Variants in ADAMTSL3 observed in about 807,000 individuals in gnomAD.
ADAMTSL3 encodes the protein ADAMTS like 3.
ADAMTSL3 carries 128 observed loss-of-function variants against 201.7 expected under a neutral mutation model. That is an observed-to-expected ratio of 0.63 (90% confidence interval 0.55 to 0.73). The LOEUF (loss-of-function observed/expected upper bound fraction) is 0.73, where lower values mean the gene tolerates loss of function less well. ADAMTSL3 is among the 30% of genes least tolerant of loss of function. The probability of loss-of-function intolerance (pLI) is 0.00; values close to 1 mark genes in which losing one functional copy is unlikely to be tolerated. For synonymous variants in ADAMTSL3, 738 were observed against 748.4 expected (o/e 0.99, Z 0.23); for missense variants, 1,990 against 2,119.6 (o/e 0.94, Z 1.20).
At chr15:83,941,957 G>A (rs1490195316) in intron 17 of ADAMTSL3, among the ~76,000 whole-genome samples, 9 of 152,164 alleles carry the variant, frequency 5.9e-5, no homozygotes, top group Non-Finnish European at 1.5e-5. Flanking sequence ...TTAGGGGTGT[G>A]GGCAACTAGG....
At chr15:83,913,451 A>G (rs1251141524) in intron 16 of ADAMTSL3, 73 bp downstream of exon 16, 1 of 1,488,458 alleles carries the variant, frequency 6.7e-7, no homozygotes, top group Non-Finnish European at 9.1e-7. Context: ...TCAATCAGGT[A>G]AGCCAAATAT....
chr15:83,707,863 T>C (rs1596063934), intron 3 of ADAMTSL3, among the ~76,000 whole-genome samples: 1 of 152,310 alleles, frequency 6.6e-6, no homozygotes, highest in East Asian at 1.9e-4. Context: ...AATTGCAGCA[T>C]ACTGGGTGGC....
At chr15:83,841,001 T>C (rs2064363552) in intron 7 of ADAMTSL3, among the ~76,000 whole-genome samples, 1 of 152,170 alleles carries the variant, frequency 6.6e-6, no homozygotes, top group African/African-American at 2.4e-5. Context: ...ACATCCCAGA[T>C]AATAAGGAAG....
intron 7 of ADAMTSL3, among the ~76,000 whole-genome samples, chr15:83,845,063 T>G (rs1273666821): frequency 3.9e-5 from 6 of 152,220 alleles, no homozygotes; most frequent in African/African-American, 1.4e-4. Context: ...CACCGACCCA[T>G]CCCTGAACCT....
intron 7 of ADAMTSL3, among the ~76,000 whole-genome samples, chr15:83,851,241 T>C (rs2064606302): frequency 6.6e-6 from 1 of 152,360 alleles, no homozygotes; most frequent in Non-Finnish European, 1.5e-5. Context: ...ATGATCCTTA[T>C]AGGCTGCTCC....
intron 23 of ADAMTSL3, among the ~76,000 whole-genome samples, chr15:84,004,278 G>A (rs12911536): frequency 6.6e-6 from 1 of 152,098 alleles, no homozygotes; most frequent in East Asian, 1.9e-4. Flanking sequence ...CCTGCCCTGA[G>A]AGATTCTGAT....
chr15:84,037,603 T>G, intron 29 of ADAMTSL3, 97 bp from the exon 30 acceptor site: 1 of 1,382,540 alleles, frequency 7.2e-7, no homozygotes, highest in Non-Finnish European at 9.7e-7. Context: ...TTCACCTCAC[T>G]CTGTGATCTC....
intron 14 of ADAMTSL3, among the ~76,000 whole-genome samples, chr15:83,898,504 T>A (rs2065662058): frequency 6.6e-6 from 1 of 152,206 alleles, no homozygotes; most frequent in African/African-American, 2.4e-5. Context: ...ATCTTTATCA[T>A]GTGTACTAAT....
At chr15:83,843,251 T>A (rs60195165) in intron 7 of ADAMTSL3, among the ~76,000 whole-genome samples, 15,623 of 151,578 alleles carry the variant, frequency 0.1, 1,032 homozygotes, top group East Asian at 0.34. Context: ...TCCTTTTTTT[T>A]AAAAAAAATC....
Position 83,913,269 on chromosome 15 carries a change from T to A in ADAMTSL3, c.1878T>A (p.Asp626Glu), listed in dbSNP as rs1356326408. The change falls in exon 16 of 30, where the codon GAT becomes GAA. Residue 626 changes from aspartate to glutamate, a missense_variant. Physicochemically the swap from Asp to Glu is conservative, Grantham distance 45. Coordinates refer to ENST00000286744, the MANE Select transcript of ADAMTSL3 (RefSeq NM_207517.3). ...TERPCLLEAC[D>E]ESPASRELDI... ...GGCCCTGCCTCCTGGAAGCATGTGA[T>A]GAGAGCCCGGCCTCCCGAGAGCTAG... 1 of 1,613,966 alleles carries A rather than the reference T, an allele frequency of 6.2e-7. No homozygotes were observed. Among genetic ancestry groups the A allele is most frequent in the East Asian group, 2.2e-5 (1 of 44,880 alleles).
At chr15:83,819,502 T>G (rs1567165266) in intron 5 of ADAMTSL3, among the ~76,000 whole-genome samples, 1 of 152,176 alleles carries the variant, frequency 6.6e-6, no homozygotes, top group Non-Finnish European at 1.5e-5. Flanking sequence ...TCAAGATGGT[T>G]AAAATAGGGC....
At chr15:84,013,266 C>T (rs2068034784) in intron 23 of ADAMTSL3, among the ~76,000 whole-genome samples, 1 of 152,172 alleles carries the variant, frequency 6.6e-6, no homozygotes, top group Non-Finnish European at 1.5e-5. Flanking sequence ...TGACTGCCTC[C>T]CAGGAAATAG....
In ADAMTSL3 at chr15:84,036,754, G is replaced by A; in HGVS notation, c.4755-19G>A. 1 of 1,586,106 alleles carries A rather than the reference G, an allele frequency of 6.3e-7. No individual in the cohort carries two copies. The highest frequency in any genetic ancestry group is 8.6e-7 in the Non-Finnish European group (1 of 1,167,648). ...CTCCTATTTTTTGTTTTTCCGTTTT[G>A]TTTTATTTTTCACTTCAGACCCACC... On this transcript the variant is annotated intron_variant, in intron 28 of 29. Coordinates refer to ENST00000286744, the MANE Select transcript of ADAMTSL3 (RefSeq NM_207517.3).
At chr15:83,949,380 T>C (rs1223186690) in intron 19 of ADAMTSL3, among the ~76,000 whole-genome samples, 1 of 152,198 alleles carries the variant, frequency 6.6e-6, no homozygotes, top group Non-Finnish European at 1.5e-5. Flanking sequence ...ATTGTGTATA[T>C]GTACCACCTT....
intron 12 of ADAMTSL3, among the ~76,000 whole-genome samples, chr15:83,892,058 G>A (rs937863562): frequency 2.3e-4 from 35 of 151,152 alleles, no homozygotes; most frequent in Admixed American, 2.0e-3. Flanking sequence ...CTACTAAAAC[G>A]TAGAAAAATT....
Position 83,983,070 on chromosome 15 carries a change from G to T in ADAMTSL3, c.3442G>T (p.Ala1148Ser). Reference protein sequence around the residue: ...WRGIQEETPPAAQLRGETGSV... With the variant: ...WRGIQEETPPSAQLRGETGSV... ...GGGCATCCAGGAAGAGACACCTCCT[G>T]CTGCTCAGCTCAGAGGGGAAACAGG... Residue 1148 changes from alanine (A) to serine (S), a missense_variant, in exon 21 of 30, where the codon GCT becomes TCT. Coordinates refer to ENST00000286744, the MANE Select transcript of ADAMTSL3 (RefSeq NM_207517.3). 1.2e-6 allele frequency: 2 copies of T among 1,614,132 alleles called. No individual in the cohort carries two copies. Among genetic ancestry groups the T allele is most frequent in the African/African-American group, 2.7e-5 (2 of 75,044 alleles).
intron 27 of ADAMTSL3, 85 bp downstream of exon 27, chr15:84,025,521 A>G (rs2068290011): frequency 7.5e-7 from 1 of 1,333,674 alleles, no homozygotes. Context: ...CCAATAAACT[A>G]CTTTTGGGGC....
chr15:83,970,787 G>A, intron 20 of ADAMTSL3, 150 bp downstream of exon 20: 1 of 943,506 alleles, frequency 1.1e-6, no homozygotes, highest in East Asian at 2.5e-5. Context: ...GCGATCAGTA[G>A]AACGTGGAAG....
At chr15:83,658,407 C>T (rs564108700) in intron 2 of ADAMTSL3, among the ~76,000 whole-genome samples, 1 of 152,354 alleles carries the variant, frequency 6.6e-6, no homozygotes, top group Non-Finnish European at 1.5e-5. Context: ...CTGCGCCCGT[C>T]CACAAATATA....
Sources: allele counts gnomAD v4.1 joint callset (sites outside exome capture counted in the v4.1 genomes callset), GRCh38; gene constraint gnomAD v4.1.1; transcripts MANE v1.5; gene names NCBI Gene and HGNC (gene_info 2026-07-23, HGNC 2026-07-21).